Variants in CCDC158 observed in about 807,000 individuals in gnomAD.
CCDC158 encodes coiled-coil domain containing 158.
In CCDC158, 116 loss-of-function variants were observed where a neutral mutation model predicts 138.6. The ratio of observed to expected loss-of-function variants is 0.84; its 90% CI spans 0.72 to 0.98. CCDC158 has a LOEUF of 0.98. Among genes scored for constraint, CCDC158 ranks in the 50% least tolerant of loss-of-function variants. The pLI is 0.00. For synonymous variants in CCDC158, 436 were observed against 442.4 expected (o/e 0.99, Z 0.18); for missense variants, 1,265 against 1,306.1 (o/e 0.97, Z 0.48).
At chr4:76,362,441 C>T in intron 12 of CCDC158, 126 bp from the exon 13 acceptor site, 1 of 575,024 alleles carries the variant, frequency 1.7e-6, no homozygotes, top group Non-Finnish European at 3.0e-6. Flanking sequence ...CCTTTTCTGC[C>T]TCCTATCTGT....
chr4:76,406,102 T>A (rs980957570), intron 2 of CCDC158, among the ~76,000 whole-genome samples: 1 of 152,000 alleles, frequency 6.6e-6, no homozygotes, highest in Non-Finnish European at 1.5e-5. Context: ...AAAGTATGCC[T>A]AAAAACACAC....
At chr4:76,377,808 G>T (rs1471815063) in intron 9 of CCDC158, among the ~76,000 whole-genome samples, 1 of 152,134 alleles carries the variant, frequency 6.6e-6, no homozygotes, top group Non-Finnish European at 1.5e-5. Flanking sequence ...TTAGGTTAAG[G>T]GTTATGCAAG....
At chr4:76,357,573 C>T in intron 13 of CCDC158, 47 bp from the exon 14 acceptor site, 1 of 1,167,808 alleles carries the variant, frequency 8.6e-7, no homozygotes, top group Non-Finnish European at 1.1e-6. Flanking sequence ...TTTTCTATCC[C>T]ATTGTTAATT....
chr4:76,320,835 T>A (rs1408125500), intron 24 of CCDC158, among the ~76,000 whole-genome samples: 1 of 152,158 alleles, frequency 6.6e-6, no homozygotes, highest in Admixed American at 6.5e-5. Flanking sequence ...GAAAAACTCT[T>A]GTAGACATTG....
At chr4:76,370,748 A>C (rs751289972) in intron 10 of CCDC158, among the ~76,000 whole-genome samples, 64 of 152,202 alleles carry the variant, frequency 4.2e-4, no homozygotes, top group Non-Finnish European at 7.9e-4. Flanking sequence ...TGCAAATGTT[A>C]GGTAAAGAAC....
chr4:76,317,275 A>G (rs1719491477), intron 24 of CCDC158, among the ~76,000 whole-genome samples: 1 of 152,212 alleles, frequency 6.6e-6, no homozygotes, highest in Non-Finnish European at 1.5e-5. Flanking sequence ...CTTAAGGTAA[A>G]GGGATGGAAA....
chr4:76,399,510 T>C (rs778788205), intron 3 of CCDC158, among the ~76,000 whole-genome samples: 12 of 152,116 alleles, frequency 7.9e-5, no homozygotes, highest in Non-Finnish European at 1.3e-4. Context: ...AAGCTGTCCA[T>C]TGGACTTAGC....
intron 19 of CCDC158, among the ~76,000 whole-genome samples, chr4:76,333,575 C>T (rs927484833): frequency 1.3e-5 from 2 of 152,166 alleles, no homozygotes; most frequent in Non-Finnish European, 2.9e-5. Flanking sequence ...CCTATTATCT[C>T]CTACTTGGAG....
At chr4:76,363,555 T>A (rs1012085831) in intron 12 of CCDC158, among the ~76,000 whole-genome samples, 11 of 152,116 alleles carry the variant, frequency 7.2e-5, no homozygotes, top group African/African-American at 2.7e-4. Context: ...ATGTAACATC[T>A]AAGCAGATGC....
chr4:76,359,722 G>A (rs1007291149), intron 13 of CCDC158, among the ~76,000 whole-genome samples: 16 of 152,204 alleles, frequency 1.1e-4, no homozygotes, highest in Non-Finnish European at 2.1e-4. Flanking sequence ...CTAAAAGCCT[G>A]TGCTCATTTG....
Position 76,396,457 on chromosome 4 carries a change from T to C in CCDC158, c.100A>G (p.Ile34Val), listed in dbSNP as rs374895901. 1.2e-4 allele frequency: 189 copies of C among 1,608,622 alleles called. No homozygotes were observed. Among genetic ancestry groups the C allele is most frequent in the Non-Finnish European group, 1.5e-4 (181 of 1,178,676 alleles). ...GTGTTTTCAATTATTGTACCACGAA[T>C]AGATGACACAAAAAATGAACTTGAA... ...GSSSSFFVSS[I>V]RGTIIENTSS... Residue 34 changes from isoleucine to valine, a missense_variant, in exon 4 of 25, where the codon ATT becomes GTT. Ile to Val is a conservative substitution (Grantham distance 29, BLOSUM62 3). Coordinates refer to ENST00000682701, the MANE Select transcript of CCDC158 (RefSeq NM_001394954.1).
At chr4:76,320,881 C>A (rs2110072984) in intron 24 of CCDC158, among the ~76,000 whole-genome samples, 1 of 152,218 alleles carries the variant, frequency 6.6e-6, no homozygotes, top group Middle Eastern at 3.4e-3. Context: ...AACCCAAAAG[C>A]AAATGCAACA....
Position 76,392,388 on chromosome 4 carries a change from T to C in CCDC158, c.288+3881A>G, listed in dbSNP as rs148773982. Among the ~76,000 whole-genome samples the C allele has an allele frequency of 2.8e-3, 430 of 152,164 alleles. 2 individuals are homozygous for C. Among genetic ancestry groups the C allele is most frequent in the African/African-American group, 9.2e-3 (382 of 41,568 alleles). On this transcript the variant is annotated intron_variant, in intron 4 of 24. Coordinates refer to ENST00000682701, the MANE Select transcript of CCDC158 (RefSeq NM_001394954.1). ...AACAAAAACCATATGATTATTTCAATTGAGGCTGAAAAAGCATTTGATAAA... is the reference window on the plus strand; with the variant it reads ...AACAAAAACCATATGATTATTTCAACTGAGGCTGAAAAAGCATTTGATAAA...
rs1357951781 is a variant in CCDC158, at chr4:76,369,536, T to C, written c.1237A>G (p.Thr413Ala). ...LWDRDTGNSI[T>A]IDHLRRELDN... Reference sequence around the variant, plus strand: ...AGTTCCCGCCGCAGGTGGTCAATGGTGATGCTGTTGCCTGTGTCTCGGTCC... The same window carrying C: ...AGTTCCCGCCGCAGGTGGTCAATGGCGATGCTGTTGCCTGTGTCTCGGTCC... The change falls in exon 11 of 25, where the codon ACC (threonine) becomes GCC (alanine). Residue 413 changes from threonine to alanine, a missense_variant. By Grantham distance (58) the Thr-to-Ala change is moderately conservative. Transcript: ENST00000682701. 2.4e-5 allele frequency: 39 copies of C among 1,614,044 alleles called. No homozygotes were observed. The highest frequency in any genetic ancestry group is 3.3e-5 in the Non-Finnish European group (39 of 1,180,032).
rs1355707694 is a variant in CCDC158, at chr4:76,320,141, ACCAACAATGACCAAG to A, written c.3277+3146_3277+3160del. 2.6e-5 allele frequency among the ~76,000 whole-genome samples: 4 copies of A among 152,176 alleles called. No individual in the cohort carries two copies. In the East Asian group the frequency reaches 7.7e-4, roughly 29 times the overall value. ...ACACAAATCAGTACCATTGCTACACACCAACAATGACCAAGCTTGGTATCAATTCAAGAACCCAGC... is the reference window on the plus strand; with the variant it reads ...ACACAAATCAGTACCATTGCTACACACTTGGTATCAATTCAAGAACCCAGC... On this transcript the variant is annotated intron_variant, in intron 24 of 24. Coordinates refer to ENST00000682701, the MANE Select transcript of CCDC158 (RefSeq NM_001394954.1).
At chr4:76,352,817 A>G (rs1723178028) in intron 16 of CCDC158, 1 of 217,050 alleles carries the variant, frequency 4.6e-6, no homozygotes, top group Non-Finnish European at 8.9e-6. Flanking sequence ...GTGCTCATGG[A>G]GACCTTTTTA....
At position 76,359,298 on chromosome 4, in the gene CCDC158, A is replaced by T. The variant is rs1723896164; in HGVS notation, c.2021-1772T>A. On this transcript the variant is annotated intron_variant, in intron 13 of 24. Coordinates refer to ENST00000682701, the MANE Select transcript of CCDC158 (RefSeq NM_001394954.1). The stretch of plus-strand genomic sequence containing the variant: ...TATAGCAATGCAAAAATGAACTAAT[A>T]CAGAAAAATGGTACCAGAGAGGTAG... 2.0e-5 allele frequency among the ~76,000 whole-genome samples: 3 copies of T among 152,234 alleles called. No individual in the cohort carries two copies. In the South Asian group the frequency reaches 6.2e-4, roughly 31 times the overall value.
intron 4 of CCDC158, among the ~76,000 whole-genome samples, chr4:76,389,814 A>G (rs1418871863): frequency 1.3e-5 from 2 of 152,204 alleles, no homozygotes; most frequent in Admixed American, 6.5e-5. Flanking sequence ...TGACATATTT[A>G]AAGTGCTGAA....
chr4:76,369,688 CT>C, intron 10 of CCDC158, 65 bp from the exon 11 acceptor site: 1 of 1,389,790 alleles, frequency 7.2e-7, no homozygotes, highest in Non-Finnish European at 1.0e-6. Context: ...AACATATTGT[CT>C]TTATATCATA....
Sources: allele counts gnomAD v4.1 joint callset (sites outside exome capture counted in the v4.1 genomes callset), GRCh38; gene constraint gnomAD v4.1.1; transcripts MANE v1.5; gene names NCBI Gene and HGNC (gene_info 2026-07-23, HGNC 2026-07-21).